Variants in RSPO2 observed in about 807,000 individuals in gnomAD.
RSPO2 encodes the protein R-spondin 2.
RSPO2 carries 14 observed loss-of-function variants against 30.9 expected under a neutral mutation model. The observed-to-expected ratio is 0.45, with a 90% CI of 0.30 to 0.71. The LOEUF (loss-of-function observed/expected upper bound fraction) is 0.71. Ranked by LOEUF, RSPO2 falls within the 30% of genes least tolerant of loss-of-function variation. The pLI, the probability that RSPO2 is intolerant of heterozygous loss-of-function variation, is 0.08. For missense variants in RSPO2, 264 were observed against 301.9 expected (o/e 0.87, Z 0.93); for synonymous variants, 107 against 96.4 (o/e 1.11, Z -0.64).
rs28561816 is a variant in RSPO2 at position 108,081,672 on chromosome 8, C to A, written c.94+873G>T. On this transcript the variant is annotated intron_variant, in intron 2 of 5. Coordinates refer to ENST00000276659, the MANE Select transcript of RSPO2 (RefSeq NM_178565.5). ...TCCGAGACAGAAATACGCACTAAATCTGCAGGAAAGCGAGTTCCCCGAAAC... is the reference window on the plus strand; with the variant it reads ...TCCGAGACAGAAATACGCACTAAATATGCAGGAAAGCGAGTTCCCCGAAAC... Among the ~76,000 whole-genome samples the A allele has an allele frequency of 4.1e-3, 620 of 152,258 alleles. 4 individuals carry two copies. The highest frequency in any genetic ancestry group is 0.014 in the African/African-American group (593 of 41,546).
chr8:108,061,262 C>G (rs1812453935), intron 2 of RSPO2, among the ~76,000 whole-genome samples: 1 of 151,682 alleles, frequency 6.6e-6, no homozygotes, highest in South Asian at 2.1e-4. Context: ...GAGTCAAGAC[C>G]CATCAGTGTC....
intron 3 of RSPO2, among the ~76,000 whole-genome samples, chr8:107,978,480 C>T (rs986614143): frequency 2.6e-5 from 4 of 152,032 alleles, no homozygotes; most frequent in Non-Finnish European, 4.4e-5. Flanking sequence ...TAGCCATATG[C>T]AGAAAGCTGA....
intron 2 of RSPO2, among the ~76,000 whole-genome samples, chr8:108,009,002 T>C (rs1377945554): frequency 1.3e-5 from 2 of 152,026 alleles, no homozygotes; most frequent in African/African-American, 2.4e-5. Context: ...TAATTAGACA[T>C]GAAAAGATGT....
At chr8:107,916,181 A>C (rs1811977007) in intron 5 of RSPO2, among the ~76,000 whole-genome samples, 1 of 152,226 alleles carries the variant, frequency 6.6e-6, no homozygotes, top group Non-Finnish European at 1.5e-5. Flanking sequence ...CTTTTTCTTC[A>C]TGTGACTTCA....
At chr8:107,947,266 C>G (rs1813093829) in intron 5 of RSPO2, among the ~76,000 whole-genome samples, 2 of 152,138 alleles carry the variant, frequency 1.3e-5, no homozygotes, top group Non-Finnish European at 2.9e-5. Context: ...TTTCAGAGTA[C>G]TCCAAGCTGG....
intron 5 of RSPO2, among the ~76,000 whole-genome samples, chr8:107,920,848 G>A (rs984157423): frequency 6.6e-6 from 1 of 152,026 alleles, no homozygotes; most frequent in African/African-American, 2.4e-5. Context: ...AAAATTAAGT[G>A]CAAGAAGTTA....
At chr8:107,985,624 A>C (rs1165966659) in intron 3 of RSPO2, among the ~76,000 whole-genome samples, 1 of 152,206 alleles carries the variant, frequency 6.6e-6, no homozygotes, top group Non-Finnish European at 1.5e-5. Context: ...CTTTGAGAGA[A>C]GTGTTTGCTT....
At chr8:108,061,792 A>C (rs139754491) in intron 2 of RSPO2, among the ~76,000 whole-genome samples, 7,974 of 151,518 alleles carry the variant, frequency 0.053, 808 homozygotes, top group African/African-American at 0.18. Context: ...CAGGTAAAGC[A>C]CTCCTCAGCA....
chr8:107,907,450 A>G (rs1811684509), intron 5 of RSPO2, among the ~76,000 whole-genome samples: 1 of 152,086 alleles, frequency 6.6e-6, no homozygotes, highest in Admixed American at 6.6e-5. Flanking sequence ...AAGTGTTGAA[A>G]ATAATAACAA....
At chr8:108,028,818 A>G (rs1811307922) in intron 2 of RSPO2, among the ~76,000 whole-genome samples, 1 of 152,184 alleles carries the variant, frequency 6.6e-6, no homozygotes, top group Admixed American at 6.5e-5. Flanking sequence ...TGGGCAAGTG[A>G]GAGGAATGAT....
At chr8:108,039,460 C>G (rs558851578) in intron 2 of RSPO2, among the ~76,000 whole-genome samples, 5 of 152,186 alleles carry the variant, frequency 3.3e-5, no homozygotes, top group Admixed American at 3.3e-4. Flanking sequence ...CAACGTCACC[C>G]AGCTACTAAG....
chr8:107,933,866 T>A (rs2130353014), intron 5 of RSPO2, among the ~76,000 whole-genome samples: 1 of 152,288 alleles, frequency 6.6e-6, no homozygotes, highest in South Asian at 2.1e-4. Context: ...AAATTCAAAG[T>A]TCTTTGTCAT....
chr8:108,056,246 T>C (rs1403513139), intron 2 of RSPO2, among the ~76,000 whole-genome samples: 4 of 152,104 alleles, frequency 2.6e-5, no homozygotes, highest in African/African-American at 7.2e-5. Context: ...GCCCGGAGTC[T>C]TATGCTCCAC....
intron 2 of RSPO2, among the ~76,000 whole-genome samples, chr8:108,056,595 C>G (rs1216743821): frequency 5.7e-5 from 8 of 139,654 alleles, no homozygotes; most frequent in Non-Finnish European, 7.6e-5. Context: ...TGCACTCCAG[C>G]CTGGGTGACA....
intron 2 of RSPO2, among the ~76,000 whole-genome samples, chr8:108,051,397 C>A (rs950286821): frequency 1.3e-5 from 2 of 152,030 alleles, no homozygotes; most frequent in Non-Finnish European, 2.9e-5. Context: ...GGGGAAAAAA[C>A]GGCTACAAAA....
At chr8:107,980,377 C>G (rs756624007) in intron 3 of RSPO2, among the ~76,000 whole-genome samples, 69 of 152,296 alleles carry the variant, frequency 4.5e-4, no homozygotes, top group Non-Finnish European at 7.8e-4. Flanking sequence ...CCTACTAATA[C>G]TGTTGGGAAA....
chr8:107,988,498 C>T (rs555048978), intron 3 of RSPO2, among the ~76,000 whole-genome samples: 3 of 151,216 alleles, frequency 2.0e-5, no homozygotes, highest in African/African-American at 4.8e-5. Flanking sequence ...TACTTGAGAT[C>T]GTTGTGATTA....
rs576546946 is a variant in RSPO2, at chr8:108,056,125, G to A, written c.94+26420C>T. ...TTGCCTGCAGAGATTATGTATTATA[G>A]GGGAATTGGTTTTTTCTTGACTACA... On this transcript the variant is annotated intron_variant, in intron 2 of 5. Transcript: ENST00000276659. Among the ~76,000 whole-genome samples the A allele has an allele frequency of 2.6e-5, 4 of 152,278 alleles. No individual in the cohort carries two copies. In the South Asian group the frequency reaches 8.3e-4, roughly 32 times the overall value.
At chr8:108,051,629 G>A (rs1812082951) in intron 2 of RSPO2, among the ~76,000 whole-genome samples, 2 of 152,182 alleles carry the variant, frequency 1.3e-5, no homozygotes, top group South Asian at 4.1e-4. Flanking sequence ...CATCTAAATG[G>A]TACTGAATAC....
Sources: allele counts gnomAD v4.1 joint callset (sites outside exome capture counted in the v4.1 genomes callset), GRCh38; gene constraint gnomAD v4.1.1; transcripts MANE v1.5; gene names NCBI Gene and HGNC (gene_info 2026-07-23, HGNC 2026-07-21).